The following ZNF578 variants were observed in gnomAD, a reference collection of about 807,000 sequenced individuals.
ZNF578 encodes the protein zinc finger protein 578, also known as Putative chemokine-related protein B42.
A neutral mutation model predicts 8.3 loss-of-function variants in ZNF578; 8 were observed. The observed-to-expected ratio is 0.96, with a 90% CI of 0.56 to 1.74. ZNF578 has a LOEUF of 1.74. ZNF578 is among the 40% of genes most tolerant of loss of function. The pLI is 0.00. For synonymous variants in ZNF578, 206 were observed against 232.2 expected, an observed-to-expected ratio of 0.89 and a Z score of 1.03; for missense variants, 726 against 707.5, an observed-to-expected ratio of 1.03 and a Z score of -0.30.
At chr19:52,468,934 A>G (rs2059283570) in intron 2 of ZNF578, among the ~76,000 whole-genome samples, 1 of 152,142 alleles carries the variant, frequency 6.6e-6, no homozygotes, top group Non-Finnish European at 1.5e-5. Context: ...CACAGACTGA[A>G]GGTTGCATCA....
intron 2 of ZNF578, among the ~76,000 whole-genome samples, chr19:52,485,238 A>G (rs1218226716): frequency 6.6e-6 from 1 of 152,160 alleles, no homozygotes; most frequent in Non-Finnish European, 1.5e-5. Flanking sequence ...TCTGGATCCT[A>G]GTAAGAACAA....
intron 2 of ZNF578, among the ~76,000 whole-genome samples, chr19:52,488,759 G>A (rs1364295461): frequency 6.6e-6 from 1 of 151,746 alleles, no homozygotes; most frequent in Non-Finnish European, 1.5e-5. Flanking sequence ...ACACCAGCCT[G>A]GGTAACAGAT....
At chr19:52,493,579 A>AG (rs1414614371) in intron 3 of ZNF578, among the ~76,000 whole-genome samples, 1 of 152,088 alleles carries the variant, frequency 6.6e-6, no homozygotes, top group Non-Finnish European at 1.5e-5. Flanking sequence ...GAGTGGGGAC[A>AG]GGGGGGTATA....
chr19:52,486,926 G>A (rs1568460997), intron 2 of ZNF578, among the ~76,000 whole-genome samples: 2 of 151,850 alleles, frequency 1.3e-5, no homozygotes, highest in African/African-American at 4.8e-5. Context: ...CAGAAGAGGA[G>A]AGGGGCACAA....
intron 2 of ZNF578, among the ~76,000 whole-genome samples, chr19:52,464,974 C>T (rs535007079): frequency 6.6e-6 from 1 of 152,286 alleles, no homozygotes; most frequent in South Asian, 2.1e-4. Flanking sequence ...AAGCTCTCAT[C>T]GGTTGAATTA....
chr19:52,508,999 T>C (rs1237878661), intron 5 of ZNF578, among the ~76,000 whole-genome samples: 2 of 148,692 alleles, frequency 1.3e-5, no homozygotes, highest in Non-Finnish European at 3.0e-5. Flanking sequence ...GCTCCTGGGT[T>C]CAAAAGATTC....
intron 3 of ZNF578, among the ~76,000 whole-genome samples, chr19:52,495,009 T>C (rs1292721872): frequency 1.3e-5 from 2 of 150,306 alleles, no homozygotes; most frequent in Admixed American, 6.6e-5. Flanking sequence ...TTGTTTTTTT[T>C]TTCTTTGTTT....
chr19:52,463,497 C>A (rs569762884), intron 2 of ZNF578, among the ~76,000 whole-genome samples: 1 of 152,246 alleles, frequency 6.6e-6, no homozygotes, highest in African/African-American at 2.4e-5. Flanking sequence ...GGGAAACCAA[C>A]AAGTCAGCTT....
rs754695928 is a variant in ZNF578 at position 52,511,793 on chromosome 19, A to G, written c.1412A>G (p.Glu471Gly). The change falls in exon 6 of 6, where the codon GAG (glutamate) becomes GGG (glycine). Residue 471 changes from glutamate (E) to glycine (G), a missense_variant. Transcript: ENST00000421239. ...DRVFSQKSNLERHKIIHTGEK... is the reference protein window; with the variant it reads ...DRVFSQKSNLGRHKIIHTGEK... ...GTTTTCAGTCAGAAATCAAACCTTG[A>G]GAGACACAAGATAATTCATACTGGA... is the stretch of plus-strand genomic sequence containing the variant. The G allele has an allele frequency of 6.2e-7, 1 of 1,613,078 alleles. No individual in the cohort carries two copies. The highest frequency in any genetic ancestry group is 1.1e-5 in the South Asian group (1 of 91,026).
chr19:52,494,372 C>G (rs1337012897), intron 3 of ZNF578, among the ~76,000 whole-genome samples: 2 of 152,130 alleles, frequency 1.3e-5, no homozygotes, highest in Non-Finnish European at 2.9e-5. Flanking sequence ...TAGTGTAGAC[C>G]TGTAATTTCA....
intron 5 of ZNF578, among the ~76,000 whole-genome samples, 176 bp downstream of exon 5, chr19:52,504,957 G>A (rs1170368106): frequency 3.9e-5 from 6 of 152,102 alleles, no homozygotes; most frequent in Non-Finnish European, 5.9e-5. Context: ...ATGGTATATC[G>A]GCTCATCATA....
Position 52,512,317 on chromosome 19 carries a change from GCCAT to G in ZNF578, c.*164_*167del, listed in dbSNP as rs1250299501. 2 of 1,539,712 alleles carry G rather than the reference GCCAT, an allele frequency of 1.3e-6. No individual in the cohort carries two copies. The highest frequency in any genetic ancestry group is 2.7e-5 in the African/African-American group (2 of 73,274). ...GTGACCAGTCAACACTTACCATCAG[GCCAT>G]TCATGGTGTAGGGAAACTTGACTAA... On this transcript the variant is annotated 3_prime_UTR_variant, in exon 6 of 6. Transcript: ENST00000421239.
intron 3 of ZNF578, among the ~76,000 whole-genome samples, chr19:52,498,329 G>GTATTTTTTT (rs1397689603): frequency 1.8e-5 from 2 of 113,738 alleles, no homozygotes; most frequent in African/African-American, 7.3e-5. Flanking sequence ...GCTAATGTGT[G>GTATTTTTTT]TTTTTTTTTT....
At chr19:52,489,418 C>T (rs551475384) in intron 2 of ZNF578, among the ~76,000 whole-genome samples, 4 of 151,622 alleles carry the variant, frequency 2.6e-5, no homozygotes, top group East Asian at 4.0e-4. Context: ...AGAGAAACCT[C>T]GTCTCTATAA....
chr19:52,480,900 G>GATAATAATAATAATAATA (rs57989857), intron 2 of ZNF578, among the ~76,000 whole-genome samples: 1 of 139,340 alleles, frequency 7.2e-6, no homozygotes. Flanking sequence ...CATCTCAAAA[G>GATAATAATAATAATAATA]ATAATAATAA....
At chr19:52,483,664 G>T (rs191493296) in intron 2 of ZNF578, among the ~76,000 whole-genome samples, 1 of 152,254 alleles carries the variant, frequency 6.6e-6, no homozygotes, top group Admixed American at 6.5e-5. Flanking sequence ...AATTTTCCCA[G>T]TACACATTCT....
intron 2 of ZNF578, chr19:52,474,807 C>G (rs1040403805): frequency 5.0e-6 from 1 of 199,350 alleles, no homozygotes; most frequent in Non-Finnish European, 1.1e-5. Context: ...CATTATGTTT[C>G]TGAGACTTTC....
rs943798746 is a variant in ZNF578, at chr19:52,513,557, C to T, written c.*1403C>T. Reference sequence around the variant, plus strand: ...CGTCCTGGCTAACACGGTGAAACCTCGTCTCTACTAAAAATACAAAAACTT... The same window carrying T: ...CGTCCTGGCTAACACGGTGAAACCTTGTCTCTACTAAAAATACAAAAACTT... On this transcript the variant is annotated 3_prime_UTR_variant, in exon 6 of 6. Transcript: ENST00000421239. 7.9e-5 allele frequency among the ~76,000 whole-genome samples: 12 copies of T among 151,352 alleles called. No homozygotes were observed. Among genetic ancestry groups the T allele is most frequent in the Non-Finnish European group, 1.2e-4 (8 of 67,852 alleles).
At chr19:52,474,439 G>T (rs760731627) in intron 2 of ZNF578, 7 of 241,038 alleles carry the variant, frequency 2.9e-5, no homozygotes, top group East Asian at 1.3e-4. Flanking sequence ...ACTCAGTCTC[G>T]GGCTAAAAAC....
Sources: allele counts gnomAD v4.1 joint callset (sites outside exome capture counted in the v4.1 genomes callset), GRCh38; gene constraint gnomAD v4.1.1; transcripts MANE v1.5; gene names NCBI Gene and HGNC (gene_info 2026-07-23, HGNC 2026-07-21).